The following LRRK1 variants were observed in gnomAD, a reference collection of about 807,000 sequenced individuals.
LRRK1 encodes the protein leucine rich repeat kinase 1, also known as leucine-rich repeat serine/threonine-protein kinase 1.
LRRK1 carries 113 observed loss-of-function variants against 209.1 expected under a neutral mutation model. That is an observed-to-expected ratio of 0.54 (90% confidence interval 0.46 to 0.63). The LOEUF is 0.63. Ranked by LOEUF, LRRK1 falls within the 30% of genes least tolerant of loss-of-function variation. The pLI is 0.00. For missense variants in LRRK1, 2,284 were observed against 2,632.2 expected (o/e 0.87, Z 2.89); for synonymous variants, 1,144 against 1,099.7 (o/e 1.04, Z -0.80).
In LRRK1 at chr15:101,022,683, AT is replaced by A. The variant is rs1340632585; in HGVS notation, c.2067+90del. 5 of 989,010 alleles carry A rather than the reference AT, an allele frequency of 5.1e-6. No individual in the cohort carries two copies. The African/African-American group carries it at 8.0e-5, about 16-fold the overall frequency. 61.3% of individuals were successfully genotyped at this position (989,010 alleles called of 1,614,324 possible). A position where few individuals can be genotyped will look rare whatever the true frequency, so the allele number is the denominator to read the frequency against. On this transcript the variant is annotated intron_variant, in intron 15 of 33. Coordinates refer to ENST00000388948, the MANE Select transcript of LRRK1 (RefSeq NM_024652.6). The surrounding 1 kb of genome is among the most constrained non-coding windows in gnomAD (Gnocchi z 4.0). ...CTCCCTTCTCCCCAGAGAGCCCAGGATTTTCTCAGCCTGGTGTCCAAAGCTC... is the reference window on the plus strand; with the variant it reads ...CTCCCTTCTCCCCAGAGAGCCCAGGATTTCTCAGCCTGGTGTCCAAAGCTC...
At chr15:100,929,897 G>A (rs1236911437) in intron 2 of LRRK1, among the ~76,000 whole-genome samples, 2 of 152,264 alleles carry the variant, frequency 1.3e-5, no homozygotes, top group African/African-American at 4.8e-5. Flanking sequence ...TGGCAGGCGA[G>A]GTGGCTGTGT....
At chr15:101,039,096 A>C (rs2034624442) in intron 20 of LRRK1, among the ~76,000 whole-genome samples, 1 of 152,188 alleles carries the variant, frequency 6.6e-6, no homozygotes, top group Non-Finnish European at 1.5e-5. Context: ...ATTTTGGATT[A>C]TTCTAGATCC....
chr15:101,010,905 C>G, intron 9 of LRRK1, 68 bp downstream of exon 9: 1 of 1,426,864 alleles, frequency 7.0e-7, no homozygotes, highest in Non-Finnish European at 9.6e-7. Context: ...TCAGAGAGCC[C>G]TCAGGTGCAT....
Position 101,057,817 on chromosome 15 carries a change from G to C in LRRK1, c.4528-173G>C, listed in dbSNP as rs147180471. Among the ~76,000 whole-genome samples the C allele has an allele frequency of 2.0e-5, 3 of 152,342 alleles. No individual in the cohort carries two copies. In the South Asian group the frequency reaches 6.2e-4, roughly 32 times the overall value. ...GTAGCCAAAGGTGACCCAGATACCT[G>C]GATGGGTTTGCTCCTGACGTCTGAA... On this transcript the variant is annotated intron_variant, in intron 28 of 33. Coordinates refer to ENST00000388948, the MANE Select transcript of LRRK1 (RefSeq NM_024652.6).
chr15:101,055,017 T>C lies in LRRK1; in HGVS notation c.4126T>C (p.Tyr1376His). 6.2e-7 allele frequency: 1 copy of C among 1,614,182 alleles called. No homozygotes were observed. Residue 1376 changes from tyrosine to histidine, a missense_variant, in exon 27 of 34, where the codon TAC (tyrosine) becomes CAC (histidine). Coordinates refer to ENST00000388948, the MANE Select transcript of LRRK1 (RefSeq NM_024652.6). ...IAYQIASGLAYLHKKNIIFCD... is the reference protein window; with the variant it reads ...IAYQIASGLAHLHKKNIIFCD... ...CTACCAGATCGCCTCGGGCCTGGCC[T>C]ACCTGCACAAGAAAAACATCATCTT...
chr15:100,967,471 C>A (rs2030539418), intron 2 of LRRK1, among the ~76,000 whole-genome samples: 1 of 151,204 alleles, frequency 6.6e-6, no homozygotes, highest in South Asian at 2.1e-4. Flanking sequence ...TGTAAAGACC[C>A]TGGATTGGTA....
At chr15:101,053,533 C>G in intron 26 of LRRK1, 113 bp downstream of exon 26, 1 of 898,032 alleles carries the variant, frequency 1.1e-6, no homozygotes. Flanking sequence ...AGGGCACGCC[C>G]AACCCATGGC....
At chr15:100,973,204 A>C (rs2031045644) in intron 2 of LRRK1, among the ~76,000 whole-genome samples, 1 of 152,198 alleles carries the variant, frequency 6.6e-6, no homozygotes, top group African/African-American at 2.4e-5. Flanking sequence ...GAGTGGCAGC[A>C]GGTGCTCGGA....
chr15:100,980,433 A>T (rs989944581), intron 3 of LRRK1, among the ~76,000 whole-genome samples: 1 of 152,200 alleles, frequency 6.6e-6, no homozygotes, highest in African/African-American at 2.4e-5. Context: ...AGAATGAGTG[A>T]GACTACCATG....
At chr15:101,032,240 C>T (rs2034314840) in intron 20 of LRRK1, among the ~76,000 whole-genome samples, 2 of 152,050 alleles carry the variant, frequency 1.3e-5, no homozygotes, top group South Asian at 2.1e-4. Flanking sequence ...GAATGTTTTC[C>T]TTTTTGGTAC....
chr15:101,005,049 CG>C (rs148772846), intron 6 of LRRK1, among the ~76,000 whole-genome samples: 6,981 of 152,304 alleles, frequency 0.046, 196 homozygotes, highest in African/African-American at 0.076. Flanking sequence ...CCATTCCATA[CG>C]GAAAGACCAT....
chr15:100,953,996 A>G (rs2042706136), intron 2 of LRRK1, among the ~76,000 whole-genome samples: 1 of 152,050 alleles, frequency 6.6e-6, no homozygotes, highest in South Asian at 2.1e-4. Context: ...GCTCACTGCA[A>G]CCTCTGTCTC....
intron 3 of LRRK1, among the ~76,000 whole-genome samples, chr15:100,981,938 G>A (rs150933499): frequency 6.6e-6 from 1 of 152,336 alleles, no homozygotes; most frequent in East Asian, 1.9e-4. Context: ...GGCTGTTTAT[G>A]CATATTCCCA....
intron 7 of LRRK1, among the ~76,000 whole-genome samples, chr15:101,009,279 AC>A (rs1366363258): frequency 6.6e-6 from 1 of 152,204 alleles, no homozygotes; most frequent in Non-Finnish European, 1.5e-5. Context: ...TACACAGCTC[AC>A]CCGGGGACAT....
intron 3 of LRRK1, among the ~76,000 whole-genome samples, chr15:100,977,071 T>C (rs1166506742): frequency 6.6e-6 from 1 of 152,030 alleles, no homozygotes; most frequent in East Asian, 1.9e-4. Context: ...GAGTAGCTGG[T>C]GGCCTCAGTA....
chr15:100,974,575 C>T (rs1022696112), intron 3 of LRRK1, among the ~76,000 whole-genome samples: 1 of 152,212 alleles, frequency 6.6e-6, no homozygotes, highest in Admixed American at 6.5e-5. Context: ...TCAATGGCTA[C>T]GTGACACTCC....
chr15:101,048,571 T>C lies in LRRK1; in HGVS notation c.3213T>C (p.Asn1071=). ...ACAGTTTTACAGGAAACCAGAGAAA[T>C]CGCTGTAGCACATTCAGAGTGAAAA... ...TIYSFTGNQR[N]RCSTFRVKRN... is the part of the protein sequence containing the mutation. Residue 1071 remains asparagine (N), a synonymous_variant, in exon 22 of 34, where the codon AAT becomes AAC. Transcript: ENST00000388948. 6.3e-7 allele frequency: 1 copy of C among 1,591,388 alleles called. No individual in the cohort carries two copies. Among genetic ancestry groups the C allele is most frequent in the Non-Finnish European group, 8.5e-7 (1 of 1,172,736 alleles).
chr15:100,920,643 T>C lies in LRRK1; in HGVS notation c.-123+1192T>C, dbSNP rs183012576. ...AATGTGTCCTGATCTGTCCCCTTTT[T>C]CTTATGCCCCCACCCCCCACCCTGC... On this transcript the variant is annotated intron_variant, in intron 1 of 33. Transcript: ENST00000388948. 1.5e-4 allele frequency among the ~76,000 whole-genome samples: 22 copies of C among 151,058 alleles called. No individual in the cohort carries two copies. In the East Asian group the frequency reaches 4.1e-3, roughly 28 times the overall value.
In LRRK1 at chr15:101,017,424, T is replaced by C. The variant is rs575553267; in HGVS notation, c.1609+2022T>C. ...GTCCAAAAATAGACCTCAGTAAACA[T>C]AGAAATACATCGGGAGTCCCCAGCG... On this transcript the variant is annotated intron_variant, in intron 12 of 33. Coordinates refer to ENST00000388948, the MANE Select transcript of LRRK1 (RefSeq NM_024652.6). 8.5e-5 allele frequency among the ~76,000 whole-genome samples: 13 copies of C among 152,188 alleles called. No homozygotes were observed. The East Asian group carries it at 1.9e-3, about 23-fold the overall frequency.
Sources: allele counts gnomAD v4.1 joint callset (sites outside exome capture counted in the v4.1 genomes callset), GRCh38; gene constraint gnomAD v4.1.1; non-coding constraint Gnocchi (gnomAD v3.1); transcripts MANE v1.5; gene names NCBI Gene and HGNC (gene_info 2026-07-23, HGNC 2026-07-21).